The following NAPG variants were observed in gnomAD, a reference collection of about 807,000 sequenced individuals.
NAPG encodes the protein NSF attachment protein gamma.
A neutral mutation model predicts 48.4 loss-of-function variants in NAPG; 25 were observed. The observed-to-expected ratio is 0.52, with a 90% CI of 0.38 to 0.72. The LOEUF (loss-of-function observed/expected upper bound fraction) is 0.72, where lower values mean the gene tolerates loss of function less well. Among genes scored for constraint, NAPG ranks in the 30% least tolerant of loss-of-function variants. The pLI is 0.00. For missense variants in NAPG, 359 were observed against 372.5 expected (o/e 0.96, Z 0.30); for synonymous variants, 139 against 127.2 (o/e 1.09, Z -0.62).
rs2032229106 is a variant in NAPG, at chr18:10,544,882, AG to A, written c.507-1442del. 1.3e-5 allele frequency among the ~76,000 whole-genome samples: 2 copies of A among 152,228 alleles called. No individual in the cohort carries two copies. Among genetic ancestry groups the A allele is most frequent in the Non-Finnish European group, 2.9e-5 (2 of 68,030 alleles). On this transcript the variant is annotated intron_variant, in intron 8 of 11. Coordinates refer to ENST00000322897, the MANE Select transcript of NAPG (RefSeq NM_003826.3). The surrounding 1 kb of genome is among the most constrained non-coding windows in gnomAD (Gnocchi z 5.1). ...TTTCTCCTATGAGTGTCATTTTATAAGGCACTAAGTTGCCAGCGTGCATCCC... is the reference window on the plus strand; with the variant it reads ...TTTCTCCTATGAGTGTCATTTTATAAGCACTAAGTTGCCAGCGTGCATCCC...
Position 10,549,041 on chromosome 18 carries a change from A to G in NAPG, c.740A>G (p.Gln247Arg), listed in dbSNP as rs1478099524. 2.5e-6 allele frequency: 4 copies of G among 1,613,874 alleles called. No individual in the cohort carries two copies. Among genetic ancestry groups the G allele is most frequent in the Non-Finnish European group, 3.4e-6 (4 of 1,179,868 alleles). The change falls in exon 11 of 12, where the codon CAA (glutamine) becomes CGA (arginine). Residue 247 changes from glutamine (Q) to arginine (R), a missense_variant. Transcript: ENST00000322897. The part of the protein sequence containing the change: ...QLLEGYDQQD[Q>R]DQVSDVCNSP... ...CTTGAAGGTTATGACCAGCAAGACCAAGATCAGGTGTCAGATGTCTGCAAC... is the reference window on the plus strand; with the variant it reads ...CTTGAAGGTTATGACCAGCAAGACCGAGATCAGGTGTCAGATGTCTGCAAC...
rs2032096986 is a variant in NAPG, at chr18:10,539,278, A to G, written c.259-484A>G. On this transcript the variant is annotated intron_variant, in intron 5 of 11. Coordinates refer to ENST00000322897, the MANE Select transcript of NAPG (RefSeq NM_003826.3). This position sits in a 1 kb window ranked among gnomAD's most constrained non-coding sequence, Gnocchi z 4.7. ...CAACCCAAATGCCCATCAGTGATAG[A>G]CTGGATAAAGAAAATGTGGTACATA... 1.3e-5 allele frequency: 2 copies of G among 156,186 alleles called. No homozygotes were observed. The highest frequency in any genetic ancestry group is 1.2e-4 in the Admixed American group (2 of 16,056). 9.7% of individuals were successfully genotyped at this position (156,186 alleles called of 1,614,324 possible). A position where few individuals can be genotyped will look rare whatever the true frequency, so the allele number is the denominator to read the frequency against.
chr18:10,547,423 G>A (rs964397381), intron 9 of NAPG, among the ~76,000 whole-genome samples: 4 of 152,164 alleles, frequency 2.6e-5, no homozygotes, highest in Non-Finnish European at 4.4e-5. Flanking sequence ...ACAACTGATG[G>A]CAACCCGGCA....
At chr18:10,545,075 G>A (rs1408818805) in intron 8 of NAPG, among the ~76,000 whole-genome samples, 1 of 152,154 alleles carries the variant, frequency 6.6e-6, no homozygotes, top group East Asian at 1.9e-4. Flanking sequence ...ACTTTGGGGG[G>A]CTGAGGCAGG....
At position 10,526,032 on chromosome 18, in the gene NAPG, T is replaced by A. The variant is rs1251457305; in HGVS notation, c.-71T>A. On this transcript the variant is annotated 5_prime_UTR_variant, in exon 1 of 12. Coordinates refer to ENST00000322897, the MANE Select transcript of NAPG (RefSeq NM_003826.3). ...CCTCCTCGGCGTTCCCACGCCTATT[T>A]GGGCGGATTCTTGGCGCCGGAGGAA... The A allele has an allele frequency of 6.8e-7, 1 of 1,478,868 alleles. No individual in the cohort carries two copies. The highest frequency in any genetic ancestry group is 1.4e-5 in the African/African-American group (1 of 72,236). 91.6% of individuals were successfully genotyped at this position (1,478,868 alleles called of 1,614,324 possible).
At position 10,546,693 on chromosome 18, in the gene NAPG, G is replaced by A. The variant is rs571267521; in HGVS notation, c.585+289G>A. On this transcript the variant is annotated intron_variant, in intron 9 of 11. Coordinates refer to ENST00000322897, the MANE Select transcript of NAPG (RefSeq NM_003826.3). This position sits in a 1 kb window ranked among gnomAD's most constrained non-coding sequence, Gnocchi z 4.0. ...ACACGTGGAGAAACAACCACCATGG[G>A]AATGAGTTTCTCGGGTTTTTTTCCA... Among the ~76,000 whole-genome samples the A allele has an allele frequency of 6.6e-6, 1 of 152,306 alleles. No homozygotes were observed. The highest frequency in any genetic ancestry group is 1.5e-5 in the Non-Finnish European group (1 of 68,024).
At position 10,534,577 on chromosome 18, in the gene NAPG, T is replaced by A; in HGVS notation, c.258+81T>A. On this transcript the variant is annotated intron_variant, in intron 5 of 11. Coordinates refer to ENST00000322897, the MANE Select transcript of NAPG (RefSeq NM_003826.3). This position sits in a 1 kb window ranked among gnomAD's most constrained non-coding sequence, Gnocchi z 5.0. Reference sequence around the variant, plus strand: ...GTTAAACAAGAATTTTTGTTGAAGTTGAAAAGCTTCCTTACTGTAAGGCAA... The same window carrying A: ...GTTAAACAAGAATTTTTGTTGAAGTAGAAAAGCTTCCTTACTGTAAGGCAA... 1 of 1,381,808 alleles carries A rather than the reference T, an allele frequency of 7.2e-7. No homozygotes were observed. The highest frequency in any genetic ancestry group is 1.0e-6 in the Non-Finnish European group (1 of 971,988). 85.6% of individuals were successfully genotyped at this position (1,381,808 alleles called of 1,614,324 possible). A position where few individuals can be genotyped will look rare whatever the true frequency, so the allele number is the denominator to read the frequency against.
At position 10,540,079 on chromosome 18, in the gene NAPG, TTTAA is replaced by T. The variant is rs752455021; in HGVS notation, c.435+29_435+32del. 2.7e-6 allele frequency: 4 copies of T among 1,504,654 alleles called. No homozygotes were observed. In the Admixed American group the frequency reaches 8.2e-5, roughly 31 times the overall value. 93.2% of individuals were successfully genotyped at this position (1,504,654 alleles called of 1,614,324 possible). ...AGTAAGTTTGAATCTTATTTTTTTC[TTTAA>T]TTACTTAGAATGTTTAGATTAATAA... On this transcript the variant is annotated intron_variant, in intron 7 of 11. Transcript: ENST00000322897.
chr18:10,532,702 C>G lies in NAPG; in HGVS notation c.125-9C>G. On this transcript the variant is annotated splice_polypyrimidine_tract_variant and intron_variant, in intron 2 of 11. Transcript: ENST00000322897. Reference sequence around the variant, plus strand: ...TGATGGAAATAGTCAATTTTTTTTTCTATTTCAGCTGTTGCTTTTAAAAAT... The same window carrying G: ...TGATGGAAATAGTCAATTTTTTTTTGTATTTCAGCTGTTGCTTTTAAAAAT... The G allele has an allele frequency of 6.5e-7, 1 of 1,546,444 alleles. No homozygotes were observed.
At chr18:10,532,913 T>TTTA in intron 3 of NAPG, 118 bp downstream of exon 3, 1 of 887,026 alleles carries the variant, frequency 1.1e-6, no homozygotes, top group Non-Finnish European at 1.7e-6. Context: ...AATTAGAAAA[T>TTTA]GATTAGAAAA....
At position 10,544,444 on chromosome 18, in the gene NAPG, G is replaced by A. The variant is rs780765795; in HGVS notation, c.507-1882G>A. Among the ~76,000 whole-genome samples the A allele has an allele frequency of 6.6e-6, 1 of 152,228 alleles. No homozygotes were observed. The highest frequency in any genetic ancestry group is 1.5e-5 in the Non-Finnish European group (1 of 68,040). On this transcript the variant is annotated intron_variant, in intron 8 of 11. Coordinates refer to ENST00000322897, the MANE Select transcript of NAPG (RefSeq NM_003826.3). This position sits in a 1 kb window ranked among gnomAD's most constrained non-coding sequence, Gnocchi z 5.1. ...TGGCAGAATTGATTTCCTTGCAGCT[G>A]TGTGGAAGAGATTCCTGTTTTCTTG...
Position 10,543,966 on chromosome 18 carries a change from T to C in NAPG, c.507-2360T>C, listed in dbSNP as rs1161742458. Among the ~76,000 whole-genome samples, 2 of 152,152 alleles carry C rather than the reference T, an allele frequency of 1.3e-5. No homozygotes were observed. Among genetic ancestry groups the C allele is most frequent in the African/African-American group, 4.8e-5 (2 of 41,428 alleles). ...GTAACTATATATTAGCACATAGAAA[T>C]GCTAATATTATGTCAAGGAAATAAA... is the stretch of plus-strand genomic sequence containing the variant. On this transcript the variant is annotated intron_variant, in intron 8 of 11. Transcript: ENST00000322897. This position sits in a 1 kb window ranked among gnomAD's most constrained non-coding sequence, Gnocchi z 4.4.
chr18:10,533,587 A>G (rs944452687), intron 4 of NAPG, 34 bp downstream of exon 4: 4 of 1,570,698 alleles, frequency 2.5e-6, no homozygotes, highest in East Asian at 2.3e-5. Context: ...GTATTTGCAA[A>G]TTATGTTTTA....
Position 10,540,413 on chromosome 18 carries a change from A to C in NAPG, c.506+14A>C. 6.2e-7 allele frequency: 1 copy of C among 1,604,612 alleles called. No homozygotes were observed. Among genetic ancestry groups the C allele is most frequent in the South Asian group, 1.1e-5 (1 of 90,486 alleles). On this transcript the variant is annotated intron_variant, in intron 8 of 11. Coordinates refer to ENST00000322897, the MANE Select transcript of NAPG (RefSeq NM_003826.3). ...ACGAGGACGTAGGTATGTCTTTAAA[A>C]ACTATTGCTGTGTGTTTAACTATAC...
chr18:10,529,170 C>T (rs1598408710), intron 1 of NAPG, among the ~76,000 whole-genome samples: 1 of 152,028 alleles, frequency 6.6e-6, no homozygotes, highest in South Asian at 2.1e-4. Context: ...CATTAGGTGA[C>T]GGAGTGATTG....
chr18:10,544,350 C>A lies in NAPG; in HGVS notation c.507-1976C>A, dbSNP rs75965074. ...TAGCAGAGCTAGGGTCTCACCAGGC[C>A]GAAATGAAGGTGTCGGAGGGGGCTG... On this transcript the variant is annotated intron_variant, in intron 8 of 11. Transcript: ENST00000322897. This position sits in a 1 kb window ranked among gnomAD's most constrained non-coding sequence, Gnocchi z 5.1. 6.6e-5 allele frequency among the ~76,000 whole-genome samples: 10 copies of A among 152,228 alleles called. No individual in the cohort carries two copies. The highest frequency in any genetic ancestry group is 3.9e-4 in the Admixed American group (6 of 15,288).
intron 11 of NAPG, among the ~76,000 whole-genome samples, 159 bp from the exon 12 acceptor site, chr18:10,549,918 G>T (rs1224008067): frequency 6.6e-6 from 1 of 152,110 alleles, no homozygotes; most frequent in African/African-American, 2.4e-5. Context: ...TGGTCATGAG[G>T]CATCTGGGGA....
chr18:10,536,803 A>G (rs1236180210), intron 5 of NAPG, among the ~76,000 whole-genome samples: 7 of 152,072 alleles, frequency 4.6e-5, no homozygotes. Flanking sequence ...TTTATGTTGT[A>G]GATTCACATT....
intron 4 of NAPG, 47 bp downstream of exon 4, chr18:10,533,600 T>A: frequency 6.5e-7 from 1 of 1,528,054 alleles, no homozygotes; most frequent in Non-Finnish European, 8.9e-7. Flanking sequence ...ATGTTTTAAA[T>A]GTTGCTGTTT....
Sources: gnomAD v4.1 joint callset for allele counts (sites outside exome capture counted in the v4.1 genomes callset) on GRCh38, gnomAD v4.1.1 for gene constraint, Gnocchi (gnomAD v3.1) non-coding constraint, MANE v1.5 for transcripts, NCBI Gene and HGNC (gene_info 2026-07-23, HGNC 2026-07-21) for gene names.